Variants in SOX6 observed in about 807,000 individuals in gnomAD.
SOX6 encodes the protein transcription factor SOX-6.
A neutral mutation model predicts 97.8 loss-of-function variants in SOX6; 11 were observed. That is an observed-to-expected ratio of 0.11 (90% CI 0.07 to 0.19). The LOEUF is 0.19. SOX6 is among the 10% of genes least tolerant of loss of function. The pLI is 1.00. For missense variants in SOX6, 810 were observed against 1,039.5 expected, an observed-to-expected ratio of 0.78 and a Z score of 3.04; for synonymous variants, 360 against 371.4, an observed-to-expected ratio of 0.97 and a Z score of 0.35.
chr11:16,588,563 C>T (rs747212749), intron 4 of SOX6, among the ~76,000 whole-genome samples: 1 of 152,116 alleles, frequency 6.6e-6, no homozygotes, highest in Admixed American at 6.6e-5. Flanking sequence ...CAACAAAGAG[C>T]CCCAGACACT....
chr11:16,436,356 T>A (rs1590202858), intron 1 of SOX6, among the ~76,000 whole-genome samples: 1 of 152,030 alleles, frequency 6.6e-6, no homozygotes, highest in African/African-American at 2.4e-5. Context: ...AGGATTTCAA[T>A]CTTAAGGTGT....
intron 1 of SOX6, among the ~76,000 whole-genome samples, chr11:16,452,011 T>TAAATAAATAAAA (rs766132129): frequency 9.5e-5 from 14 of 147,672 alleles, no homozygotes; most frequent in Admixed American, 5.4e-4. Flanking sequence ...AATAAATAAA[T>TAAATAAATAAAA]AAAATAAAAT....
intron 6 of SOX6, among the ~76,000 whole-genome samples, chr11:16,115,450 C>G (rs921799): frequency 0.018 from 2,671 of 152,264 alleles, 72 homozygotes; most frequent in African/African-American, 0.061. Flanking sequence ...TTGCTTCCTT[C>G]TCTCCCCCTG....
chr11:16,593,733 T>C (rs4757417), intron 4 of SOX6, among the ~76,000 whole-genome samples: 67,597 of 151,962 alleles, frequency 0.44, 16,034 homozygotes, highest in East Asian at 0.85. Context: ...CTCCTCAACC[T>C]TCACAATATC....
chr11:16,709,384 C>T (rs1174458027), intron 3 of SOX6, among the ~76,000 whole-genome samples: 1 of 152,024 alleles, frequency 6.6e-6, no homozygotes, highest in African/African-American at 2.4e-5. Flanking sequence ...TGGGCATGGC[C>T]ACAAGCACTG....
chr11:16,649,751 G>A (rs1849066145), intron 3 of SOX6, among the ~76,000 whole-genome samples: 1 of 151,860 alleles, frequency 6.6e-6, no homozygotes, highest in Admixed American at 6.6e-5. Context: ...CAATTAACGT[G>A]ATGAATAGAA....
intron 7 of SOX6, among the ~76,000 whole-genome samples, chr11:16,104,494 T>G (rs1026523354): frequency 1.3e-5 from 2 of 152,012 alleles, no homozygotes; most frequent in African/African-American, 2.4e-5. Context: ...TTAACTTTTT[T>G]GAGTATCAGT....
chr11:16,187,072 G>T, intron 4 of SOX6, 117 bp from the exon 5 acceptor site: 1 of 1,116,832 alleles, frequency 9.0e-7, no homozygotes, highest in Non-Finnish European at 1.3e-6. Flanking sequence ...CTGGGACAAT[G>T]ACTGGAGGCC....
At chr11:16,079,332 T>C (rs970540423) in intron 9 of SOX6, among the ~76,000 whole-genome samples, 1 of 152,154 alleles carries the variant, frequency 6.6e-6, no homozygotes, top group African/African-American at 2.4e-5. Flanking sequence ...TAAAATAAAA[T>C]TGCACAAAAG....
intron 3 of SOX6, chr11:16,318,195 G>A (rs1048599523): frequency 3.9e-6 from 2 of 511,718 alleles, no homozygotes; most frequent in Non-Finnish European, 7.0e-6. Context: ...ATTATGGTCA[G>A]TTTAAAATCC....
At chr11:16,104,784 T>A (rs924503028) in intron 7 of SOX6, among the ~76,000 whole-genome samples, 1 of 151,980 alleles carries the variant, frequency 6.6e-6, no homozygotes, top group Non-Finnish European at 1.5e-5. Context: ...CATTAACCAA[T>A]TCAACACCTA....
chr11:16,520,330 G>T (rs1590231436), intron 4 of SOX6, among the ~76,000 whole-genome samples: 1 of 152,248 alleles, frequency 6.6e-6, no homozygotes, highest in South Asian at 2.1e-4. Context: ...TATAGATTCA[G>T]GTCTTATAGT....
intron 3 of SOX6, among the ~76,000 whole-genome samples, chr11:16,272,126 T>C (rs1373460759): frequency 6.6e-6 from 1 of 151,522 alleles, no homozygotes; most frequent in Non-Finnish European, 1.5e-5. Context: ...ATTTTTCTTT[T>C]CTTAATTTCC....
chr11:16,684,018 A>G (rs1007737788), intron 3 of SOX6, among the ~76,000 whole-genome samples: 6 of 152,236 alleles, frequency 3.9e-5, no homozygotes, highest in African/African-American at 1.4e-4. Flanking sequence ...AGAGAAATGC[A>G]AATCAAAACC....
At chr11:16,443,756 T>C (rs947026387) in intron 1 of SOX6, among the ~76,000 whole-genome samples, 4 of 152,222 alleles carry the variant, frequency 2.6e-5, no homozygotes, top group African/African-American at 9.6e-5. Context: ...GGATCATGCC[T>C]GTAATCCTAA....
intron 1 of SOX6, among the ~76,000 whole-genome samples, chr11:16,422,228 AT>A (rs1404447179): frequency 6.6e-6 from 1 of 152,234 alleles, no homozygotes; most frequent in Non-Finnish European, 1.5e-5. Context: ...AAAAAAAGAC[AT>A]CCACTTTTAT....
intron 1 of SOX6, among the ~76,000 whole-genome samples, chr11:16,433,320 A>G (rs1453674568): frequency 1.3e-5 from 2 of 152,078 alleles, no homozygotes; most frequent in Non-Finnish European, 2.9e-5. Flanking sequence ...CAGAGTGAAC[A>G]CTGACTTTAT....
intron 6 of SOX6, among the ~76,000 whole-genome samples, chr11:16,167,528 A>T (rs569441618): frequency 6.6e-6 from 1 of 152,246 alleles, no homozygotes; most frequent in East Asian, 1.9e-4. Flanking sequence ...CCTTACAACG[A>T]TGTAAAAGAT....
rs907205666 is a variant in SOX6 at position 16,213,228 on chromosome 11, C to T, written c.535+21354G>A. 3.3e-5 allele frequency among the ~76,000 whole-genome samples: 5 copies of T among 151,938 alleles called. 1 individual carries two copies. Among genetic ancestry groups the T allele is most frequent in the Admixed American group, 3.3e-4 (5 of 15,210 alleles). ...CTTAGCTGGCATGGGTTTAGTATATCAGGGAAAATACTAGATACAAAATTA... is the reference window on the plus strand; with the variant it reads ...CTTAGCTGGCATGGGTTTAGTATATTAGGGAAAATACTAGATACAAAATTA... On this transcript the variant is annotated intron_variant, in intron 4 of 15. Coordinates refer to ENST00000683767, the MANE Select transcript of SOX6 (RefSeq NM_001367873.1).
Sources: gnomAD v4.1 joint callset for allele counts (sites outside exome capture counted in the v4.1 genomes callset) on GRCh38, gnomAD v4.1.1 for gene constraint, MANE v1.5 for transcripts, NCBI Gene and HGNC (gene_info 2026-07-23, HGNC 2026-07-21) for gene names.